Variants in SLC2A5 observed in about 807,000 individuals in gnomAD.
SLC2A5 encodes solute carrier family 2 member 5.
SLC2A5 carries 56 observed loss-of-function variants against 50.3 expected under a neutral mutation model. That is an observed-to-expected ratio of 1.11 (90% CI 0.90 to 1.39). The LOEUF (loss-of-function observed/expected upper bound fraction) is 1.39. Among genes scored for constraint, SLC2A5 ranks in the 40% most tolerant of loss-of-function variants. The probability of loss-of-function intolerance (pLI) is 0.00; values close to 1 mark genes in which losing one functional copy is unlikely to be tolerated. For synonymous variants in SLC2A5, 269 were observed against 281.9 expected, an observed-to-expected ratio of 0.95 and a Z score of 0.46; for missense variants, 566 against 650.1, an observed-to-expected ratio of 0.87 and a Z score of 1.41.
At position 9,057,499 on chromosome 1, in the gene SLC2A5, C is replaced by A; in HGVS notation, c.242G>T (p.Gly81Val). 3 of 1,613,968 alleles carry A rather than the reference C, an allele frequency of 1.9e-6. No individual in the cohort carries two copies. In the East Asian group the frequency reaches 6.7e-5, roughly 36 times the overall value. ...WSVTVSMFPF[G>V]GFIGSLLVGP... ...GACCAGGAGGGATCCGATAAACCCT[C>A]CAAATGGAAACATGGACACGGTTAC... Residue 81 changes from glycine to valine, a missense_variant, in exon 3 of 12, where the codon GGA becomes GTA. Coordinates refer to ENST00000377424, the MANE Select transcript of SLC2A5 (RefSeq NM_003039.3).
chr1:9,078,526 T>A (rs1312694063), intron 2 of SLC2A5, among the ~76,000 whole-genome samples: 1 of 151,952 alleles, frequency 6.6e-6, no homozygotes, highest in African/African-American at 2.4e-5. Flanking sequence ...TGCACCCAAA[T>A]CCCAGAAATT....
chr1:9,042,638 G>T (rs199886663), intron 4 of SLC2A5, among the ~76,000 whole-genome samples: 3 of 139,574 alleles, frequency 2.1e-5, no homozygotes, highest in Admixed American at 7.2e-5. Context: ...TGTGTGTGTG[G>T]GTGTGTGTGT....
At chr1:9,053,065 T>TTATATATTTATATATTAATATATAA (rs1641621303) in intron 3 of SLC2A5, among the ~76,000 whole-genome samples, 5 of 79,790 alleles carry the variant, frequency 6.3e-5, no homozygotes, top group East Asian at 2.8e-4. Flanking sequence ...ATAATATATA[T>TTATATATTTATATATTAATATATAA]TATATATTTA....
In SLC2A5 at chr1:9,069,562, G is replaced by A. The variant is rs767779831; in HGVS notation, c.-26C>T. On this transcript the variant is annotated 5_prime_UTR_variant, in exon 1 of 12. Transcript: ENST00000377424. ...GCTTGCTCTGGAAGGGCAGAGTGCC[G>A]CTCACCTCCTTTTAGCCAAAGTAAC... is the stretch of plus-strand genomic sequence containing the variant. 7.4e-6 allele frequency: 12 copies of A among 1,613,388 alleles called. No homozygotes were observed. In the South Asian group the frequency reaches 9.9e-5, roughly 13 times the overall value.
upstream of SLC2A5, among the ~76,000 whole-genome samples, chr1:9,089,255 G>T (rs542574340): frequency 6.6e-6 from 1 of 152,230 alleles, no homozygotes; most frequent in African/African-American, 2.4e-5. Flanking sequence ...TGCCCATAAG[G>T]CAGCTAATTA....
chr1:9,073,214 G>A (rs1642244045), upstream of SLC2A5: 1 of 152,228 alleles, frequency 6.6e-6, no homozygotes, highest in Non-Finnish European at 1.5e-5. Context: ...TGTACAGGCT[G>A]CTAATGGCTT....
At chr1:9,073,931 T>C (rs1207511053), upstream of SLC2A5, among the ~76,000 whole-genome samples, 2 of 152,138 alleles carry the variant, frequency 1.3e-5, no homozygotes, top group African/African-American at 4.8e-5. Context: ...AATACAAGAA[T>C]TAGCCAGGCT....
rs181236991 is a variant in SLC2A5 at position 9,068,000 on chromosome 1, G to C, written c.33+1504C>G. ...AGGTCAGGAGTTCTAGACCAGCCTGGCCAACATGGTGAAACCCCATCTCTA... is the reference window on the plus strand; with the variant it reads ...AGGTCAGGAGTTCTAGACCAGCCTGCCCAACATGGTGAAACCCCATCTCTA... On this transcript the variant is annotated intron_variant, in intron 1 of 11. Transcript: ENST00000377424. Among the ~76,000 whole-genome samples, 86 of 152,036 alleles carry C rather than the reference G, an allele frequency of 5.7e-4. No individual in the cohort carries two copies. In the East Asian group the frequency reaches 5.8e-3, roughly 10 times the overall value.
In SLC2A5 at chr1:9,047,599, G is replaced by A. The variant is rs201202476; in HGVS notation, c.418+11C>T. On this transcript the variant is annotated intron_variant, in intron 4 of 11. Coordinates refer to ENST00000377424, the MANE Select transcript of SLC2A5 (RefSeq NM_003039.3). ...CCTCACAGAATGGCAATACAGCATA[G>A]CATTGTTTACCTGCACATATTCCCA... The A allele has an allele frequency of 1.2e-4, 199 of 1,612,676 alleles. No individual in the cohort carries two copies. The highest frequency in any genetic ancestry group is 1.1e-4 in the Non-Finnish European group (135 of 1,179,232).
chr1:9,041,567 G>A, intron 5 of SLC2A5: 1 of 1,422,470 alleles, frequency 7.0e-7, no homozygotes, highest in African/African-American at 1.4e-5. Context: ...CTCCTAAGAG[G>A]GACTAGATAG....
intron 2 of SLC2A5, among the ~76,000 whole-genome samples, chr1:9,081,709 G>A (rs1278810288): frequency 1.3e-5 from 2 of 152,040 alleles, no homozygotes; most frequent in African/African-American, 4.8e-5. Context: ...ACTCACTAGA[G>A]AAATGCAAAT....
chr1:9,067,918 G>A lies in SLC2A5; in HGVS notation c.33+1586C>T, dbSNP rs74224843. Among the ~76,000 whole-genome samples the A allele has an allele frequency of 1.7e-3, 262 of 152,196 alleles. 4 individuals are homozygous for A. In the East Asian group the frequency reaches 0.044, roughly 26 times the overall value. On this transcript the variant is annotated intron_variant, in intron 1 of 11. Coordinates refer to ENST00000377424, the MANE Select transcript of SLC2A5 (RefSeq NM_003039.3). The stretch of plus-strand genomic sequence containing the variant: ...AGTAACATTTACGATGGCCGGGCGC[G>A]GTGGCTCACACCTGTAACCCCAGCA...
intron 2 of SLC2A5, among the ~76,000 whole-genome samples, chr1:9,084,625 T>C (rs1231237859): frequency 6.6e-6 from 1 of 152,148 alleles, no homozygotes; most frequent in African/African-American, 2.4e-5. Context: ...CGGACTCTGG[T>C]ACTACATCAG....
chr1:9,055,058 C>T (rs900858145), intron 3 of SLC2A5, among the ~76,000 whole-genome samples: 2 of 152,128 alleles, frequency 1.3e-5, no homozygotes, highest in Admixed American at 1.3e-4. Flanking sequence ...AATAAAGCAA[C>T]AGATTGAGAA....
chr1:9,044,193 C>T (rs986216830), intron 4 of SLC2A5, among the ~76,000 whole-genome samples: 44 of 151,812 alleles, frequency 2.9e-4, no homozygotes, highest in African/African-American at 1.0e-3. Flanking sequence ...TAGCTGGGCA[C>T]GGTGGCACAT....
At chr1:9,039,184 G>A (rs1472654027) in intron 8 of SLC2A5, among the ~76,000 whole-genome samples, 1 of 152,236 alleles carries the variant, frequency 6.6e-6, no homozygotes, top group African/African-American at 2.4e-5. Flanking sequence ...CTGAGCCTCA[G>A]GATTCCTGCC....
intron 5 of SLC2A5, chr1:9,041,183 C>T (rs562036077): frequency 5.1e-5 from 20 of 390,270 alleles, no homozygotes; most frequent in South Asian, 4.3e-4. Context: ...TTTTGGCTGA[C>T]GGGATGACTG....
chr1:9,057,733 G>T, intron 2 of SLC2A5, 125 bp from the exon 3 acceptor site: 1 of 776,130 alleles, frequency 1.3e-6, no homozygotes, highest in South Asian at 1.8e-5. Context: ...TAACCGGGGG[G>T]TGATGGGAGG....
chr1:9,063,777 G>C (rs1400687653), intron 1 of SLC2A5, among the ~76,000 whole-genome samples: 1 of 120,146 alleles, frequency 8.3e-6, no homozygotes, highest in African/African-American at 3.4e-5. Flanking sequence ...CTCACTGCAA[G>C]CTCCGCCTCC....
Sources: gnomAD v4.1 joint callset for allele counts (sites outside exome capture counted in the v4.1 genomes callset) on GRCh38, gnomAD v4.1.1 for gene constraint, MANE v1.5 for transcripts, NCBI Gene and HGNC (gene_info 2026-07-23, HGNC 2026-07-21) for gene names.